CLSTN2: variants seen among roughly 807,000 people sequenced by gnomAD.
CLSTN2 encodes the protein calsyntenin 2, also known as calsyntenin-2.
In CLSTN2, 48 loss-of-function variants were observed where a neutral mutation model predicts 101.2. The observed-to-expected ratio is 0.47, with a 90% CI of 0.38 to 0.60. CLSTN2 has a LOEUF of 0.60. Ranked by LOEUF, CLSTN2 falls within the 20% of genes least tolerant of loss-of-function variation. The pLI is 0.00. For missense variants in CLSTN2, 1,160 were observed against 1,238.2 expected, an observed-to-expected ratio of 0.94 and a Z score of 0.95; for synonymous variants, 481 against 463.6, an observed-to-expected ratio of 1.04 and a Z score of -0.48.
At chr3:140,118,288 G>C (rs1437401346) in intron 1 of CLSTN2, among the ~76,000 whole-genome samples, 1 of 152,140 alleles carries the variant, frequency 6.6e-6, no homozygotes, top group Admixed American at 6.5e-5. Flanking sequence ...TGTGGTACTT[G>C]GTTGTGGCTG....
intron 2 of CLSTN2, among the ~76,000 whole-genome samples, chr3:140,381,400 A>G (rs2087981844): frequency 6.6e-6 from 1 of 152,162 alleles, no homozygotes; most frequent in African/African-American, 2.4e-5. Flanking sequence ...TACACCCATA[A>G]CAGTTCCTAA....
chr3:140,421,883 G>A (rs2088509902), intron 5 of CLSTN2, among the ~76,000 whole-genome samples: 1 of 152,168 alleles, frequency 6.6e-6, no homozygotes, highest in Non-Finnish European at 1.5e-5. Flanking sequence ...CTGAACTGAG[G>A]GCAAGTAAGG....
chr3:140,281,411 C>T (rs924837234), intron 2 of CLSTN2, among the ~76,000 whole-genome samples: 3 of 152,118 alleles, frequency 2.0e-5, no homozygotes, highest in Non-Finnish European at 4.4e-5. Flanking sequence ...TATCTCATCA[C>T]CTGTGGGGCA....
At chr3:140,068,461 T>C (rs10935368) in intron 1 of CLSTN2, among the ~76,000 whole-genome samples, 16,302 of 152,258 alleles carry the variant, frequency 0.11, 1,324 homozygotes, top group East Asian at 0.28. Context: ...TGCCTTCTTC[T>C]TTCCATGCAA....
intron 5 of CLSTN2, among the ~76,000 whole-genome samples, chr3:140,426,595 A>G (rs2088567018): frequency 6.6e-6 from 1 of 152,224 alleles, no homozygotes; most frequent in Non-Finnish European, 1.5e-5. Context: ...TTAAGGGAGA[A>G]AGAAGGAGAT....
chr3:139,991,480 T>C (rs570204799), intron 1 of CLSTN2, among the ~76,000 whole-genome samples: 1 of 152,336 alleles, frequency 6.6e-6, no homozygotes. Context: ...ACCAAAGTGA[T>C]ATTGCAATGA....
At chr3:140,475,576 G>A (rs190665125) in intron 8 of CLSTN2, among the ~76,000 whole-genome samples, 4 of 152,262 alleles carry the variant, frequency 2.6e-5, no homozygotes, top group Admixed American at 6.5e-5. Flanking sequence ...CCCTGCTGCC[G>A]TCTTACCCAC....
intron 1 of CLSTN2, among the ~76,000 whole-genome samples, chr3:140,057,185 A>T (rs918300516): frequency 2.0e-5 from 3 of 152,218 alleles, no homozygotes; most frequent in Non-Finnish European, 4.4e-5. Flanking sequence ...CATCCAAAGC[A>T]ATGCACATCC....
At chr3:140,043,139 A>G (rs542789597) in intron 1 of CLSTN2, among the ~76,000 whole-genome samples, 2 of 152,324 alleles carry the variant, frequency 1.3e-5, no homozygotes, top group East Asian at 3.9e-4. Flanking sequence ...CAGTCCCACC[A>G]ACAGTGTAAA....
At chr3:140,196,540 A>T (rs1440176579) in intron 2 of CLSTN2, among the ~76,000 whole-genome samples, 1 of 152,248 alleles carries the variant, frequency 6.6e-6, no homozygotes, top group Non-Finnish European at 1.5e-5. Context: ...TCTCCAGCAC[A>T]CATTCCTTTG....
chr3:140,038,204 A>C (rs937747967), intron 1 of CLSTN2, among the ~76,000 whole-genome samples: 6 of 152,180 alleles, frequency 3.9e-5, no homozygotes, highest in Admixed American at 1.3e-4. Context: ...CCTTGCCAGC[A>C]TCTGTTGCTT....
At position 140,196,419 on chromosome 3, in the gene CLSTN2, G is replaced by A. The variant is rs535129298; in HGVS notation, c.232+20346G>A. ...AATGGGAGTGAAGGCAGAAGCAGTT[G>A]TCTCAGCATGTACTTGCCTGATCAA... On this transcript the variant is annotated intron_variant, in intron 2 of 16. Transcript: ENST00000458420. Among the ~76,000 whole-genome samples, 3 of 152,342 alleles carry A rather than the reference G, an allele frequency of 2.0e-5. No homozygotes were observed. The South Asian group carries it at 6.2e-4, about 32-fold the overall frequency.
At chr3:140,369,456 C>T (rs979565502) in intron 2 of CLSTN2, among the ~76,000 whole-genome samples, 1 of 152,204 alleles carries the variant, frequency 6.6e-6, no homozygotes, top group African/African-American at 2.4e-5. Context: ...TCAGCATAAA[C>T]TTACTGTGAT....
At chr3:140,042,822 C>A (rs2007789278) in intron 1 of CLSTN2, among the ~76,000 whole-genome samples, 1 of 152,144 alleles carries the variant, frequency 6.6e-6, no homozygotes, top group African/African-American at 2.4e-5. Context: ...TGGTTTGCAG[C>A]TTCATCCATG....
At chr3:140,306,125 A>G (rs1310628370) in intron 2 of CLSTN2, among the ~76,000 whole-genome samples, 2 of 152,202 alleles carry the variant, frequency 1.3e-5, no homozygotes, top group Admixed American at 6.5e-5. Flanking sequence ...TTCAAGGTCC[A>G]GTGTCTTCCA....
chr3:140,526,590 ACAAAC>A lies in CLSTN2; in HGVS notation c.1345-5733_1345-5729del, dbSNP rs1216038091. ...TCATAAATTTATATGAAACAAACAA[ACAAAC>A]AAAAAAAAAAAACAACCACAGCAAT... On this transcript the variant is annotated intron_variant, in intron 8 of 16. Coordinates refer to ENST00000458420, the MANE Select transcript of CLSTN2 (RefSeq NM_022131.3). Among the ~76,000 whole-genome samples the A allele has an allele frequency of 8.0e-5, 11 of 137,140 alleles. No individual in the cohort carries two copies. In the East Asian group the frequency reaches 1.9e-3, roughly 23 times the overall value. The allele number at this position is 137,140 out of a possible 152,430, so 90.0% of individuals were successfully genotyped here.
chr3:140,252,905 G>T (rs2086576255), intron 2 of CLSTN2, among the ~76,000 whole-genome samples: 1 of 152,008 alleles, frequency 6.6e-6, no homozygotes, highest in South Asian at 2.1e-4. Flanking sequence ...GCCAGTGATG[G>T]CTAGATCTGT....
chr3:140,281,770 GAGA>G (rs2086849805), intron 2 of CLSTN2, among the ~76,000 whole-genome samples: 2 of 151,576 alleles, frequency 1.3e-5, no homozygotes, highest in Admixed American at 1.3e-4. Flanking sequence ...GAGCGAGAGA[GAGA>G]GAGAGAGGAG....
At chr3:140,362,531 A>G (rs982258590) in intron 2 of CLSTN2, among the ~76,000 whole-genome samples, 1 of 152,200 alleles carries the variant, frequency 6.6e-6, no homozygotes, top group Non-Finnish European at 1.5e-5. Context: ...AAGATAAACA[A>G]CAGACTTGGA....
Sources: gnomAD v4.1 joint callset for allele counts (sites outside exome capture counted in the v4.1 genomes callset) on GRCh38, gnomAD v4.1.1 for gene constraint, MANE v1.5 for transcripts, NCBI Gene and HGNC (gene_info 2026-07-23, HGNC 2026-07-21) for gene names.